The following SYT16 variants were observed in gnomAD, a reference collection of about 807,000 sequenced individuals.
SYT16 encodes the protein synaptotagmin 16.
In SYT16, 42 loss-of-function variants were observed where a neutral mutation model predicts 61.4. The ratio of observed to expected loss-of-function variants is 0.68; its 90% CI spans 0.53 to 0.89. The LOEUF (loss-of-function observed/expected upper bound fraction) is 0.89, where lower values mean the gene tolerates loss of function less well. SYT16 is among the 40% of genes least tolerant of loss of function. The pLI is 0.00. For synonymous variants in SYT16, 314 were observed against 302.3 expected (o/e 1.04, Z -0.40); for missense variants, 804 against 807.3 (o/e 1.00, Z 0.05).
intron 1 of SYT16, among the ~76,000 whole-genome samples, chr14:61,873,964 A>T (rs2047409054): frequency 6.6e-6 from 1 of 152,232 alleles, no homozygotes; most frequent in Non-Finnish European, 1.5e-5. Flanking sequence ...AAAGGAGAAT[A>T]TATTCTGCCT....
rs75892372 is a variant in SYT16 at position 62,034,196 on chromosome 14, T to A, written c.524-35407T>A. 5.7e-4 allele frequency among the ~76,000 whole-genome samples: 87 copies of A among 152,254 alleles called. No homozygotes were observed. The East Asian group carries it at 0.013, about 22-fold the overall frequency. The stretch of plus-strand genomic sequence containing the variant: ...GCAAGGCTGTAATAAAAAAGACAGA[T>A]AATAACAAGTGTTGGTGAGGATGTG... On this transcript the variant is annotated intron_variant, in intron 3 of 7. Transcript: ENST00000683842.
rs549080475 is a variant in SYT16, at chr14:61,910,534, T to C, written c.-324-59598T>C. 5.2e-3 allele frequency among the ~76,000 whole-genome samples: 773 copies of C among 147,430 alleles called. 15 individuals carry two copies. The highest frequency in any genetic ancestry group is 0.045 in the Admixed American group (665 of 14,708). Reference sequence around the variant, plus strand: ...GCCGCCGCATCCCGCTGTTTTGTTTTTTTTTTTTTTTTTTGAGACAGGTTC... The same window carrying C: ...GCCGCCGCATCCCGCTGTTTTGTTTCTTTTTTTTTTTTTTGAGACAGGTTC... On this transcript the variant is annotated intron_variant, in intron 1 of 7. Coordinates refer to ENST00000683842, the MANE Select transcript of SYT16 (RefSeq NM_001367656.1).
intron 1 of SYT16, among the ~76,000 whole-genome samples, chr14:61,844,714 T>G (rs1266173518): frequency 1.3e-5 from 2 of 152,216 alleles, no homozygotes; most frequent in Non-Finnish European, 2.9e-5. Flanking sequence ...GAACCATCCT[T>G]GCATCCCAGG....
chr14:61,996,733 G>A (rs888011626), intron 3 of SYT16, among the ~76,000 whole-genome samples, 191 bp downstream of exon 3: 4 of 152,068 alleles, frequency 2.6e-5, no homozygotes, highest in Admixed American at 6.6e-5. Flanking sequence ...GAGGATCCAC[G>A]TTTGGGAGTT....
At chr14:62,051,163 G>A (rs2055271346) in intron 3 of SYT16, among the ~76,000 whole-genome samples, 1 of 152,326 alleles carries the variant, frequency 6.6e-6, no homozygotes, top group African/African-American at 2.4e-5. Flanking sequence ...CTCAAGCCTG[G>A]GCAATGGCAG....
At chr14:62,064,012 C>T (rs2055944700) in intron 3 of SYT16, among the ~76,000 whole-genome samples, 1 of 152,078 alleles carries the variant, frequency 6.6e-6, no homozygotes, top group Admixed American at 6.6e-5. Context: ...CAAGGTGTAT[C>T]CACATTTACG....
At chr14:62,073,930 A>G (rs1003987738) in intron 4 of SYT16, among the ~76,000 whole-genome samples, 5 of 152,240 alleles carry the variant, frequency 3.3e-5, no homozygotes, top group Admixed American at 3.3e-4. Context: ...TTCTATTAAT[A>G]GCTGAGGTAT....
At chr14:61,886,898 CTT>C (rs377557650) in intron 1 of SYT16, among the ~76,000 whole-genome samples, 10 of 98,194 alleles carry the variant, frequency 1.0e-4, no homozygotes, top group Admixed American at 4.3e-4. Flanking sequence ...TTTTTTTTGT[CTT>C]TTTTTTTTTT....
At chr14:61,998,479 T>C (rs1010697353) in intron 3 of SYT16, among the ~76,000 whole-genome samples, 1 of 152,056 alleles carries the variant, frequency 6.6e-6, no homozygotes, top group African/African-American at 2.4e-5. Context: ...TTCTTTCACC[T>C]ACCATAACGC....
chr14:62,019,002 C>T (rs1283771464), intron 3 of SYT16, among the ~76,000 whole-genome samples: 2 of 152,224 alleles, frequency 1.3e-5, no homozygotes, highest in Non-Finnish European at 2.9e-5. Flanking sequence ...ATTTGGTGTA[C>T]TCTGTTTCCA....
At position 62,109,161 on chromosome 14, in the gene SYT16, A is replaced by T. The variant is rs544604762; in HGVS notation, c.*8454A>T. On this transcript the variant is annotated 3_prime_UTR_variant, in exon 8 of 8. Transcript: ENST00000683842. Reference sequence around the variant, plus strand: ...TACAGAAGATTTTCACTGCCCTAAAAATCCTCTGTGCTCTGCCTATTCATT... The same window carrying T: ...TACAGAAGATTTTCACTGCCCTAAATATCCTCTGTGCTCTGCCTATTCATT... The T allele has an allele frequency of 6.6e-6, 1 of 152,228 alleles. No individual in the cohort carries two copies. The highest frequency in any genetic ancestry group is 6.5e-5 in the Admixed American group (1 of 15,292). 9.4% of individuals were successfully genotyped at this position (152,228 alleles called of 1,614,324 possible).
intron 1 of SYT16, among the ~76,000 whole-genome samples, chr14:61,850,761 G>A (rs1227574507): frequency 6.6e-6 from 1 of 152,056 alleles, no homozygotes; most frequent in Non-Finnish European, 1.5e-5. Context: ...AATCATTAGT[G>A]AATCAGAATG....
intron 1 of SYT16, among the ~76,000 whole-genome samples, chr14:61,927,830 A>G (rs1313976841): frequency 1.3e-5 from 2 of 152,158 alleles, no homozygotes; most frequent in Non-Finnish European, 1.5e-5. Flanking sequence ...AGTTAGAAAA[A>G]AGTTAATAAC....
At position 62,112,341 on chromosome 14, in the gene SYT16, C is replaced by T. The variant is rs542942519; in HGVS notation, c.*11634C>T. 1.4e-4 allele frequency: 21 copies of T among 152,232 alleles called. 1 individual carries two copies. Among genetic ancestry groups the T allele is most frequent in the Admixed American group, 1.2e-3 (19 of 15,292 alleles). The allele number at this position is 152,232 out of a possible 1,614,324, so 9.4% of individuals were successfully genotyped here. On this transcript the variant is annotated 3_prime_UTR_variant, in exon 8 of 8. Coordinates refer to ENST00000683842, the MANE Select transcript of SYT16 (RefSeq NM_001367656.1). ...AAGCATATTTTATGCAGTCTAAACACTATTTCTGTATTAGATATTTAAATG... is the reference window on the plus strand; with the variant it reads ...AAGCATATTTTATGCAGTCTAAACATTATTTCTGTATTAGATATTTAAATG...
chr14:61,979,599 T>C (rs2051971836), intron 2 of SYT16, among the ~76,000 whole-genome samples: 1 of 152,158 alleles, frequency 6.6e-6, no homozygotes, highest in East Asian at 1.9e-4. Context: ...AAAAATAAAT[T>C]CTGGCCAGGC....
intron 3 of SYT16, among the ~76,000 whole-genome samples, chr14:62,043,842 CAA>C (rs1273953005): frequency 1.3e-5 from 2 of 152,000 alleles, no homozygotes; most frequent in Admixed American, 1.3e-4. Context: ...ATGACTGCTA[CAA>C]ACTGTTTTTG....
intron 1 of SYT16, 146 bp from the exon 2 acceptor site, chr14:61,969,986 C>G (rs2051479567): frequency 6.6e-6 from 1 of 152,190 alleles, no homozygotes; most frequent in Non-Finnish European, 1.5e-5. Flanking sequence ...TGGGGGATGT[C>G]AGCCAGAGTC....
chr14:61,845,009 T>G lies in SYT16; in HGVS notation c.-325+32199T>G, dbSNP rs1342543995. 2.6e-5 allele frequency among the ~76,000 whole-genome samples: 4 copies of G among 151,636 alleles called. No homozygotes were observed. In the East Asian group the frequency reaches 7.7e-4, roughly 29 times the overall value. ...TTGGTAGAATACAGCAGTGAAGCCA[T>G]TGAGTTGCAAGCTTTTCTTTACTAG... On this transcript the variant is annotated intron_variant, in intron 1 of 7. Coordinates refer to ENST00000683842, the MANE Select transcript of SYT16 (RefSeq NM_001367656.1).
chr14:62,024,278 A>G (rs2054018530), intron 3 of SYT16, among the ~76,000 whole-genome samples: 1 of 152,066 alleles, frequency 6.6e-6, no homozygotes, highest in Non-Finnish European at 1.5e-5. Flanking sequence ...TAGTAGTGTA[A>G]ATATACTTAG....
Sources: gnomAD v4.1 joint callset for allele counts (sites outside exome capture counted in the v4.1 genomes callset) on GRCh38, gnomAD v4.1.1 for gene constraint, MANE v1.5 for transcripts, NCBI Gene and HGNC (gene_info 2026-07-23, HGNC 2026-07-21) for gene names.